Variants in PLEKHH2 observed in about 807,000 individuals in gnomAD.
PLEKHH2 encodes the protein pleckstrin homology, MyTH4 and FERM domain containing H2.
In PLEKHH2, 129 loss-of-function variants were observed where a neutral mutation model predicts 187.9. The ratio of observed to expected loss-of-function variants is 0.69; its 90% CI spans 0.59 to 0.79. PLEKHH2 has a LOEUF of 0.79. Ranked by LOEUF, PLEKHH2 falls within the 30% of genes least tolerant of loss-of-function variation. The probability of loss-of-function intolerance (pLI) is 0.00; values close to 1 mark genes in which losing one functional copy is unlikely to be tolerated. For missense variants in PLEKHH2, 2,076 were observed against 1,751.2 expected (o/e 1.19, Z -3.31); for synonymous variants, 686 against 605.6 (o/e 1.13, Z -1.95).
At chr2:43,757,868 C>G (rs931825001) in intron 26 of PLEKHH2, among the ~76,000 whole-genome samples, 1 of 151,482 alleles carries the variant, frequency 6.6e-6, no homozygotes, top group African/African-American at 2.4e-5. Context: ...AAAAAATTGG[C>G]CAATAATATG....
chr2:43,676,330 G>T (rs746159373), intron 2 of PLEKHH2: 18 of 1,588,996 alleles, frequency 1.1e-5, no homozygotes, highest in Non-Finnish European at 2.6e-6. Context: ...CATTTTCCAG[G>T]CGTTAGGACA....
chr2:43,652,012 C>A (rs952496473), intron 2 of PLEKHH2, among the ~76,000 whole-genome samples: 2 of 152,128 alleles, frequency 1.3e-5, no homozygotes, highest in African/African-American at 4.8e-5. Context: ...AGTAAACTGA[C>A]AATTATGTAT....
intron 17 of PLEKHH2, among the ~76,000 whole-genome samples, chr2:43,729,177 C>A (rs1670918151): frequency 6.6e-6 from 1 of 152,058 alleles, no homozygotes; most frequent in African/African-American, 2.4e-5. Context: ...AAAATTTAAT[C>A]TACATATATA....
At position 43,699,780 on chromosome 2, in the gene PLEKHH2, C is replaced by G. The variant is rs1362515141; in HGVS notation, c.822C>G (p.Gly274=). Residue 274 remains glycine (G), a synonymous_variant, in exon 8 of 30, where the codon GGC becomes GGG. Coordinates refer to ENST00000282406, the MANE Select transcript of PLEKHH2 (RefSeq NM_172069.4). ...KTRTSFATDG[G]ISQNSGAPVS... ...GAACAAGCTTTGCCACAGATGGTGG[C>G]ATCTCCCAGAATTCTGGGGCTCCTG... The G allele has an allele frequency of 6.2e-7, 1 of 1,614,062 alleles. No individual in the cohort carries two copies. Among genetic ancestry groups the G allele is most frequent in the Non-Finnish European group, 8.5e-7 (1 of 1,180,028 alleles).
chr2:43,750,450 C>A (rs1052791213), intron 24 of PLEKHH2, among the ~76,000 whole-genome samples: 2 of 150,254 alleles, frequency 1.3e-5, no homozygotes, highest in African/African-American at 4.9e-5. Context: ...CACTGCACTC[C>A]AGTCTGGGTG....
chr2:43,757,295 TAG>T, intron 26 of PLEKHH2, 31 bp downstream of exon 26: 1 of 1,459,722 alleles, frequency 6.9e-7, no homozygotes, highest in Non-Finnish European at 9.1e-7. Context: ...CTTTATAGGG[TAG>T]GGTCATACTA....
intron 20 of PLEKHH2, among the ~76,000 whole-genome samples, chr2:43,740,471 A>G (rs1464379195): frequency 1.3e-5 from 2 of 152,194 alleles, no homozygotes; most frequent in Non-Finnish European, 2.9e-5. Flanking sequence ...GCTGCTACCT[A>G]AAGATAACCT....
Position 43,762,406 on chromosome 2 carries a change from CAA to C in PLEKHH2, c.4158+17_4158+18del. 6.4e-7 allele frequency: 1 copy of C among 1,561,580 alleles called. No homozygotes were observed. The highest frequency in any genetic ancestry group is 8.8e-7 in the Non-Finnish European group (1 of 1,132,510). Reference sequence around the variant, plus strand: ...CAACTCCATGGTAAGTTTAAACGCTCAAGTTTTGCATTAAGTCAACTGTTTCC... The same window carrying C: ...CAACTCCATGGTAAGTTTAAACGCTCGTTTTGCATTAAGTCAACTGTTTCC... On this transcript the variant is annotated intron_variant, in intron 28 of 29. Transcript: ENST00000282406.
At chr2:43,669,167 G>A (rs933000430) in intron 2 of PLEKHH2, among the ~76,000 whole-genome samples, 7 of 152,166 alleles carry the variant, frequency 4.6e-5, no homozygotes, top group African/African-American at 1.7e-4. Context: ...TGAGAGACTA[G>A]ACACTGGTTC....
In PLEKHH2 at chr2:43,740,894, G is replaced by A. The variant is rs1303945400; in HGVS notation, c.3124-52G>A. ...CAGCCCATTGCACTCACTCAGATGT[G>A]GATCTCTGACTGGCACGTGGTATCT... On this transcript the variant is annotated intron_variant, in intron 20 of 29. Coordinates refer to ENST00000282406, the MANE Select transcript of PLEKHH2 (RefSeq NM_172069.4). 2.5e-6 allele frequency: 4 copies of A among 1,596,258 alleles called. No homozygotes were observed. The Admixed American group carries it at 5.2e-5, about 21-fold the overall frequency.
Position 43,758,883 on chromosome 2 carries a change from C to A in PLEKHH2, c.3942-17C>A. ...TTGCTTTAGTGTTTTTGTTTTTGTT[C>A]TTTTCTTTTTTTTTAGGCAGCTTTG... On this transcript the variant is annotated splice_polypyrimidine_tract_variant and intron_variant, in intron 26 of 29. Transcript: ENST00000282406. 2 of 1,565,106 alleles carry A rather than the reference C, an allele frequency of 1.3e-6. No homozygotes were observed. The highest frequency in any genetic ancestry group is 1.9e-5 in the Admixed American group (1 of 52,172).
intron 2 of PLEKHH2, among the ~76,000 whole-genome samples, chr2:43,657,987 G>A (rs1218585418): frequency 3.3e-5 from 5 of 152,158 alleles, no homozygotes; most frequent in African/African-American, 1.2e-4. Flanking sequence ...CTTGCAGAAG[G>A]TAAAGTTAAC....
intron 3 of PLEKHH2, among the ~76,000 whole-genome samples, chr2:43,687,088 T>A (rs1340835114): frequency 6.6e-6 from 1 of 152,174 alleles, no homozygotes; most frequent in Non-Finnish European, 1.5e-5. Flanking sequence ...TATGGATGAT[T>A]CCATCTCCCA....
chr2:43,715,432 C>G (rs1347389793), intron 15 of PLEKHH2, among the ~76,000 whole-genome samples: 2 of 152,106 alleles, frequency 1.3e-5, no homozygotes, highest in Non-Finnish European at 2.9e-5. Context: ...ATTTGAAACC[C>G]TGCAGGGTTT....
intron 2 of PLEKHH2, among the ~76,000 whole-genome samples, chr2:43,656,455 GATAT>G (rs1666766450): frequency 4.0e-5 from 1 of 25,042 alleles, no homozygotes; most frequent in African/African-American, 1.9e-4. Context: ...GCTAAGAGAA[GATAT>G]GAAGATATTC....
At chr2:43,729,776 AT>A (rs1558578318) in intron 18 of PLEKHH2, 31 bp downstream of exon 18, 1 of 1,460,266 alleles carries the variant, frequency 6.8e-7, no homozygotes, top group East Asian at 2.4e-5. Context: ...ATAAAGCTTT[AT>A]GGTTAATGAA....
rs541133817 is a variant in PLEKHH2, at chr2:43,716,668, A to G, written c.2461-4001A>G. Reference sequence around the variant, plus strand: ...AATTTTCAAATATGCAAAAAAGCAGAATAATTTTACAGTGTACAACCATAT... The same window carrying G: ...AATTTTCAAATATGCAAAAAAGCAGGATAATTTTACAGTGTACAACCATAT... On this transcript the variant is annotated intron_variant, in intron 15 of 29. Coordinates refer to ENST00000282406, the MANE Select transcript of PLEKHH2 (RefSeq NM_172069.4). Among the ~76,000 whole-genome samples the G allele has an allele frequency of 3.9e-5, 6 of 152,358 alleles. No individual in the cohort carries two copies. In the South Asian group the frequency reaches 1.2e-3, roughly 32 times the overall value.
At position 43,681,565 on chromosome 2, in the gene PLEKHH2, C is replaced by T. The variant is rs190427466; in HGVS notation, c.186+2640C>T. 105 of 1,128,932 alleles carry T rather than the reference C, an allele frequency of 9.3e-5. No homozygotes were observed. The African/African-American group carries it at 1.2e-3, about 13-fold the overall frequency. The allele number at this position is 1,128,932 out of a possible 1,614,324, so 69.9% of individuals were successfully genotyped here. On this transcript the variant is annotated intron_variant, in intron 3 of 29. Transcript: ENST00000282406. ...GCAGAAAGACTCACTTCTGTGGGCC[C>T]GCACCTTCGGCACTCATGACTAGTG...
intron 2 of PLEKHH2, among the ~76,000 whole-genome samples, chr2:43,656,860 A>G (rs547565080): frequency 2.5e-4 from 38 of 152,186 alleles, no homozygotes; most frequent in Non-Finnish European, 5.9e-5. Context: ...TCTACTAAAA[A>G]TACAAAAAAT....
Sources: allele counts gnomAD v4.1 joint callset (sites outside exome capture counted in the v4.1 genomes callset), GRCh38; gene constraint gnomAD v4.1.1; transcripts MANE v1.5; gene names NCBI Gene and HGNC (gene_info 2026-07-23, HGNC 2026-07-21).